Variants in NANP observed in about 807,000 individuals in gnomAD.
NANP encodes the protein N-acetylneuraminic acid phosphatase, also known as N-acylneuraminate-9-phosphatase.
A neutral mutation model predicts 16.9 loss-of-function variants in NANP; 15 were observed. The ratio of observed to expected loss-of-function variants is 0.89; its 90% CI spans 0.59 to 1.37. The LOEUF (loss-of-function observed/expected upper bound fraction) is 1.37, where lower values mean the gene tolerates loss of function less well. NANP is among the 40% of genes most tolerant of loss of function. The pLI is 0.00. For synonymous variants in NANP, 135 were observed against 112.6 expected (o/e 1.20, Z -1.26); for missense variants, 290 against 303.5 (o/e 0.96, Z 0.33).
At chr20:25,619,624 T>C (rs2065357656) in intron 1 of NANP, among the ~76,000 whole-genome samples, 1 of 152,240 alleles carries the variant, frequency 6.6e-6, no homozygotes, top group African/African-American at 2.4e-5. Context: ...TACATCTCTA[T>C]GAACAAATAA....
intron 1 of NANP, among the ~76,000 whole-genome samples, chr20:25,620,206 T>A (rs545479546): frequency 5.7e-4 from 87 of 152,298 alleles, no homozygotes; most frequent in African/African-American, 1.9e-3. Context: ...GAGTATTGAT[T>A]GAATTGGAGG....
chr20:25,621,084 AT>A, intron 1 of NANP, among the ~76,000 whole-genome samples: 2 of 152,280 alleles, frequency 1.3e-5, no homozygotes, highest in Non-Finnish European at 2.9e-5. Flanking sequence ...AAGGGGATGA[AT>A]TCCAAATAAA....
intron 1 of NANP, among the ~76,000 whole-genome samples, chr20:25,618,004 C>T (rs1483412069): frequency 6.6e-6 from 1 of 152,172 alleles, no homozygotes; most frequent in Non-Finnish European, 1.5e-5. Flanking sequence ...CAAGACAGTT[C>T]CATGTTCCAA....
At chr20:25,618,218 G>C (rs2065351276) in intron 1 of NANP, among the ~76,000 whole-genome samples, 1 of 151,952 alleles carries the variant, frequency 6.6e-6, no homozygotes, top group African/African-American at 2.4e-5. Context: ...GAAATGCCAT[G>C]ACAGTAGTTT....
rs1042294237 is a variant in NANP, at chr20:25,616,075, G to A, written c.597C>T (p.Leu199=). 11 of 1,614,134 alleles carry A rather than the reference G, an allele frequency of 6.8e-6. No homozygotes were observed. The highest frequency in any genetic ancestry group is 9.3e-6 in the Non-Finnish European group (11 of 1,180,028). Residue 199 remains leucine, a synonymous_variant, in exon 2 of 2, where the codon CTC becomes CTT. Coordinates refer to ENST00000304788, the MANE Select transcript of NANP (RefSeq NM_152667.3). ...AGACTGTTGCTTTCAATCCTGCATT[G>A]AGGCCTCCTTGGATGTCGGTTTCTA... ...DTLETDIQGG[L]NAGLKATVWI...
intron 1 of NANP, among the ~76,000 whole-genome samples, chr20:25,619,461 A>G (rs2065356848): frequency 6.6e-6 from 1 of 152,168 alleles, no homozygotes; most frequent in Non-Finnish European, 1.5e-5. Flanking sequence ...GCTAATCAGA[A>G]AATGTATCAG....
Position 25,615,748 on chromosome 20 carries a change from G to A in NANP, c.*177C>T. Reference sequence around the variant, plus strand: ...TTTCAGATATAAGTACCACTCAATGGTTGGTTGTTACAACTTAGAAGCAAT... The same window carrying A: ...TTTCAGATATAAGTACCACTCAATGATTGGTTGTTACAACTTAGAAGCAAT... On this transcript the variant is annotated 3_prime_UTR_variant, in exon 2 of 2. Coordinates refer to ENST00000304788, the MANE Select transcript of NANP (RefSeq NM_152667.3). 1 of 617,286 alleles carries A rather than the reference G, an allele frequency of 1.6e-6. No individual in the cohort carries two copies. The highest frequency in any genetic ancestry group is 2.8e-5 in the East Asian group (1 of 35,346). The allele number at this position is 617,286 out of a possible 1,614,324, so 38.2% of individuals were successfully genotyped here. A position where few individuals can be genotyped will look rare whatever the true frequency, so the allele number is the denominator to read the frequency against.
At position 25,616,414 on chromosome 20, in the gene NANP, A is replaced by T; in HGVS notation, c.258T>A (p.Gly86=). 6.2e-7 allele frequency: 1 copy of T among 1,614,162 alleles called. No homozygotes were observed. The highest frequency in any genetic ancestry group is 1.1e-5 in the South Asian group (1 of 91,082). The change falls in exon 2 of 2, where the codon GGT becomes GGA. Residue 86 remains glycine, a synonymous_variant. Coordinates refer to ENST00000304788, the MANE Select transcript of NANP (RefSeq NM_152667.3). ...CTTCAGCCAATTTTCTATTGGCTGCACCACCTTTTGTTTCCTGGATTGCTT... is the reference window on the plus strand; with the variant it reads ...CTTCAGCCAATTTTCTATTGGCTGCTCCACCTTTTGTTTCCTGGATTGCTT... ...WEEAIQETKG[G]AANRKLAEEC...
rs1450965637 is a variant in NANP, at chr20:25,615,200, A to C, written c.*725T>G. The C allele has an allele frequency of 6.6e-6, 1 of 152,572 alleles. No homozygotes were observed. Among genetic ancestry groups the C allele is most frequent in the Non-Finnish European group, 1.5e-5 (1 of 68,040 alleles). The allele number at this position is 152,572 out of a possible 1,614,324, so 9.5% of individuals were successfully genotyped here. A position where few individuals can be genotyped will look rare whatever the true frequency, so the allele number is the denominator to read the frequency against. On this transcript the variant is annotated 3_prime_UTR_variant, in exon 2 of 2. Coordinates refer to ENST00000304788, the MANE Select transcript of NANP (RefSeq NM_152667.3). The stretch of plus-strand genomic sequence containing the variant: ...AAGACTAAAAGGAAGCTACCGGCTC[A>C]CTGTGCACAGGTGAGAAAATGTCAC...
At chr20:25,620,635 C>T (rs2065360832) in intron 1 of NANP, among the ~76,000 whole-genome samples, 1 of 152,186 alleles carries the variant, frequency 6.6e-6, no homozygotes. Flanking sequence ...GCAGGTGCAC[C>T]TGACAGCACT....
At position 25,614,769 on chromosome 20, in the gene NANP, C is replaced by T. The variant is rs560927617; in HGVS notation, c.*1156G>A. On this transcript the variant is annotated 3_prime_UTR_variant, in exon 2 of 2. Transcript: ENST00000304788. ...TTAGGAGGCTGAGGTGGGAGGATCA[C>T]TTGAATCCAGGAATTCGAGACCAGC... 6.6e-6 allele frequency: 1 copy of T among 152,344 alleles called. No homozygotes were observed. The highest frequency in any genetic ancestry group is 2.4e-5 in the African/African-American group (1 of 41,536). The allele number at this position is 152,344 out of a possible 1,614,324, so 9.4% of individuals were successfully genotyped here. A position where few individuals can be genotyped will look rare whatever the true frequency, so the allele number is the denominator to read the frequency against.
intron 1 of NANP, among the ~76,000 whole-genome samples, chr20:25,619,294 A>T (rs1398046513): frequency 6.6e-6 from 1 of 151,676 alleles, no homozygotes; most frequent in Non-Finnish European, 1.5e-5. Flanking sequence ...CAGCTAATAA[A>T]TTTTTTTTGT....
At position 25,616,078 on chromosome 20, in the gene NANP, G is replaced by T. The variant is rs373453706; in HGVS notation, c.594C>A (p.Gly198=). ...CTGTTGCTTTCAATCCTGCATTGAG[G>T]CCTCCTTGGATGTCGGTTTCTAATG... ...GDTLETDIQG[G]LNAGLKATVW... Residue 198 remains glycine, a synonymous_variant, in exon 2 of 2, where the codon GGC becomes GGA. Transcript: ENST00000304788. 9 of 1,613,984 alleles carry T rather than the reference G, an allele frequency of 5.6e-6. No homozygotes were observed. In the African/African-American group the frequency reaches 1.2e-4, roughly 22 times the overall value.
At position 25,614,093 on chromosome 20, in the gene NANP, A is replaced by G; in HGVS notation, c.*1832T>C. ...ACTGTTATAGCAACAGCACTTTGGT[A>G]CAGTCAAGGGCACAATCACATTTTT... On this transcript the variant is annotated 3_prime_UTR_variant, in exon 2 of 2. Coordinates refer to ENST00000304788, the MANE Select transcript of NANP (RefSeq NM_152667.3). 1 of 366,726 alleles carries G rather than the reference A, an allele frequency of 2.7e-6. No individual in the cohort carries two copies. The allele number at this position is 366,726 out of a possible 1,614,324, so 22.7% of individuals were successfully genotyped here.
Position 25,614,224 on chromosome 20 carries a change from T to C in NANP, c.*1701A>G, listed in dbSNP as rs1340765108. On this transcript the variant is annotated 3_prime_UTR_variant, in exon 2 of 2. Coordinates refer to ENST00000304788, the MANE Select transcript of NANP (RefSeq NM_152667.3). ...CTGGCTAAAGAAATAGGCTCACAGA[T>C]AGGTACAATCTACAATTTGATTCTC... The C allele has an allele frequency of 3.5e-5, 6 of 173,314 alleles. No individual in the cohort carries two copies. Among genetic ancestry groups the C allele is most frequent in the Non-Finnish European group, 6.1e-5 (5 of 82,448 alleles). 10.7% of individuals were successfully genotyped at this position (173,314 alleles called of 1,614,324 possible).
At chr20:25,623,205 G>C (rs1218399235) in intron 1 of NANP, among the ~76,000 whole-genome samples, 1 of 152,156 alleles carries the variant, frequency 6.6e-6, no homozygotes, top group Non-Finnish European at 1.5e-5. Flanking sequence ...GCGCCTCCGC[G>C]CGTGTAGAGG....
rs540768265 is a variant in NANP at position 25,623,328 on chromosome 20, G to A, written c.90+531C>T. Among the ~76,000 whole-genome samples the A allele has an allele frequency of 4.6e-5, 7 of 152,370 alleles. No homozygotes were observed. The East Asian group carries it at 1.2e-3, about 25-fold the overall frequency. ...CACCACCCCGCCAGGGAGGCCAGAA[G>A]AAGTTCTGCGGCGACAATTCTCTAA... is the stretch of plus-strand genomic sequence containing the variant. On this transcript the variant is annotated intron_variant, in intron 1 of 1. Transcript: ENST00000304788.
chr20:25,616,481 T>C lies in NANP; in HGVS notation c.191A>G (p.Tyr64Cys). The C allele has an allele frequency of 6.2e-7, 1 of 1,613,990 alleles. No homozygotes were observed. Among genetic ancestry groups the C allele is most frequent in the South Asian group, 1.1e-5 (1 of 91,078 alleles). ...VKLSKECFHP[Y>C]NTCITDLRTS... is the part of the protein sequence containing the mutation. Reference sequence around the variant, plus strand: ...CCTTAAATCAGTAATGCATGTATTGTAAGGATGAAAACATTCCTTGCTGAG... The same window carrying C: ...CCTTAAATCAGTAATGCATGTATTGCAAGGATGAAAACATTCCTTGCTGAG... Residue 64 changes from tyrosine (Y) to cysteine (C), a missense_variant, in exon 2 of 2, where the codon TAC becomes TGC. Tyr to Cys is a radical substitution (Grantham distance 194). Coordinates refer to ENST00000304788, the MANE Select transcript of NANP (RefSeq NM_152667.3).
At chr20:25,620,734 A>G (rs2065361226) in intron 1 of NANP, among the ~76,000 whole-genome samples, 1 of 152,168 alleles carries the variant, frequency 6.6e-6, no homozygotes, top group Non-Finnish European at 1.5e-5. Context: ...TGTCCAATCC[A>G]GAGATTCATT....
Sources: allele counts gnomAD v4.1 joint callset (sites outside exome capture counted in the v4.1 genomes callset), GRCh38; gene constraint gnomAD v4.1.1; transcripts MANE v1.5; gene names NCBI Gene and HGNC (gene_info 2026-07-23, HGNC 2026-07-21).